IFT43: variants seen among roughly 807,000 people sequenced by gnomAD.
IFT43 encodes the protein intraflagellar transport protein 43 homolog.
IFT43 carries 33 observed loss-of-function variants against 32.3 expected under a neutral mutation model. The observed-to-expected ratio is 1.02, with a 90% confidence interval of 0.77 to 1.37. The LOEUF (loss-of-function observed/expected upper bound fraction) is 1.37. Among genes scored for constraint, IFT43 ranks in the 40% most tolerant of loss-of-function variants. The pLI, the probability that IFT43 is intolerant of heterozygous loss-of-function variation, is 0.00. For missense variants in IFT43, 274 were observed against 265.9 expected, an observed-to-expected ratio of 1.03 and a Z score of -0.21; for synonymous variants, 93 against 98.2, an observed-to-expected ratio of 0.95 and a Z score of 0.31.
intron 3 of IFT43, among the ~76,000 whole-genome samples, chr14:76,050,645 T>A (rs1222337242): frequency 6.6e-6 from 1 of 152,164 alleles, no homozygotes; most frequent in Non-Finnish European, 1.5e-5. Context: ...TTTTTGGCCT[T>A]ACAGTATGTA....
chr14:76,052,690 T>C (rs1381894665), intron 3 of IFT43, among the ~76,000 whole-genome samples: 3 of 152,124 alleles, frequency 2.0e-5, no homozygotes, highest in African/African-American at 7.2e-5. Flanking sequence ...AAGAAAGGGA[T>C]TACATTTGAG....
chr14:76,075,220 C>A (rs553717483), intron 5 of IFT43, among the ~76,000 whole-genome samples: 8 of 152,226 alleles, frequency 5.3e-5, no homozygotes, highest in Admixed American at 2.0e-4. Flanking sequence ...TAGCCACTGT[C>A]GCAGTTTTCA....
intron 3 of IFT43, among the ~76,000 whole-genome samples, chr14:76,024,593 G>C (rs988468412): frequency 6.6e-6 from 1 of 152,224 alleles, no homozygotes; most frequent in Non-Finnish European, 1.5e-5. Context: ...TACATAGCTT[G>C]TTGCTGCAAT....
At chr14:76,059,078 C>T in intron 4 of IFT43, 1 of 1,431,780 alleles carries the variant, frequency 7.0e-7, no homozygotes, top group South Asian at 1.5e-5. Flanking sequence ...TTCCTACTCC[C>T]AGGGGCGGAA....
chr14:76,064,781 C>G (rs556130190), intron 5 of IFT43, among the ~76,000 whole-genome samples: 1 of 152,294 alleles, frequency 6.6e-6, no homozygotes, highest in South Asian at 2.1e-4. Context: ...TTGGCAGAAA[C>G]TTCTAAATGG....
chr14:76,062,809 C>A (rs545284341), intron 5 of IFT43, among the ~76,000 whole-genome samples: 1 of 148,504 alleles, frequency 6.7e-6, no homozygotes, highest in East Asian at 2.1e-4. Context: ...CCCAGCTACT[C>A]GGGAGGCTGA....
chr14:76,053,883 C>T (rs1320852205), intron 3 of IFT43, among the ~76,000 whole-genome samples: 1 of 152,182 alleles, frequency 6.6e-6, no homozygotes, highest in African/African-American at 2.4e-5. Flanking sequence ...TTTTCATGAA[C>T]ACCACGTACT....
At chr14:76,031,582 G>A (rs983530630) in intron 3 of IFT43, among the ~76,000 whole-genome samples, 5 of 152,300 alleles carry the variant, frequency 3.3e-5, no homozygotes, top group African/African-American at 1.2e-4. Context: ...GGGGATTTTA[G>A]TACTTGTCAT....
chr14:76,025,557 T>C (rs1333385668), intron 3 of IFT43, among the ~76,000 whole-genome samples: 1 of 152,082 alleles, frequency 6.6e-6, no homozygotes, highest in Admixed American at 6.5e-5. Flanking sequence ...CTTCAAACTA[T>C]ACTACAGGGC....
chr14:76,080,751 C>T (rs1206636446), intron 5 of IFT43, among the ~76,000 whole-genome samples: 3 of 152,082 alleles, frequency 2.0e-5, no homozygotes, highest in Admixed American at 6.6e-5. Flanking sequence ...GTATTAATCA[C>T]GTAGAACGAG....
chr14:76,022,451 T>C, intron 3 of IFT43, 57 bp downstream of exon 3: 1 of 990,392 alleles, frequency 1.0e-6, no homozygotes, highest in Non-Finnish European at 1.6e-6. Flanking sequence ...TGGGGGGACT[T>C]TGCTCCTGTG....
intron 3 of IFT43, among the ~76,000 whole-genome samples, chr14:76,046,343 C>A (rs1416842489): frequency 1.3e-5 from 2 of 151,970 alleles, no homozygotes; most frequent in Non-Finnish European, 2.9e-5. Context: ...TAGATGAGGT[C>A]AACAGGTCAG....
intron 2 of IFT43, among the ~76,000 whole-genome samples, chr14:76,012,071 T>G (rs187891982): frequency 1.3e-5 from 2 of 152,300 alleles, no homozygotes; most frequent in African/African-American, 4.8e-5. Context: ...GATGGATATG[T>G]GTGAAGTTTG....
chr14:76,052,318 T>G (rs1334129475), intron 3 of IFT43, among the ~76,000 whole-genome samples: 1 of 152,224 alleles, frequency 6.6e-6, no homozygotes, highest in African/African-American at 2.4e-5. Context: ...TTAACTGAGG[T>G]GATGTCTACA....
intron 2 of IFT43, among the ~76,000 whole-genome samples, chr14:76,011,663 A>C (rs751018817): frequency 1.3e-4 from 20 of 152,190 alleles, no homozygotes; most frequent in Non-Finnish European, 2.6e-4. Context: ...TACGTAAAAT[A>C]GACTTTGCGT....
chr14:76,081,683 A>G (rs1221244203), intron 5 of IFT43, among the ~76,000 whole-genome samples: 1 of 152,228 alleles, frequency 6.6e-6, no homozygotes, highest in Non-Finnish European at 1.5e-5. Flanking sequence ...GCATGATTGT[A>G]GAATCAGCAT....
At chr14:76,060,343 G>A (rs959207072) in intron 5 of IFT43, among the ~76,000 whole-genome samples, 22 of 151,942 alleles carry the variant, frequency 1.4e-4, no homozygotes, top group African/African-American at 4.8e-4. Flanking sequence ...TCAGCCTCCC[G>A]AGTAGCTGGG....
At chr14:75,999,245 ATATATATATATATATATATATATATATG>A (rs1179042775) in intron 2 of IFT43, among the ~76,000 whole-genome samples, 3 of 23,162 alleles carry the variant, frequency 1.3e-4, no homozygotes, top group African/African-American at 4.7e-4. Context: ...ATATATATAT[ATATATATATATATATATATATATATATG>A]TATATATATT....
intron 2 of IFT43, among the ~76,000 whole-genome samples, chr14:76,016,518 A>T (rs2036191147): frequency 6.6e-6 from 1 of 152,142 alleles, no homozygotes; most frequent in African/African-American, 2.4e-5. Context: ...CTTTTTGCCC[A>T]ATGTTGCATT....
Sources: allele counts gnomAD v4.1 joint callset (sites outside exome capture counted in the v4.1 genomes callset), GRCh38; gene constraint gnomAD v4.1.1; transcripts MANE v1.5; gene names NCBI Gene and HGNC (gene_info 2026-07-23, HGNC 2026-07-21).